Variants in NALCN observed in about 807,000 individuals in gnomAD.
NALCN encodes sodium leak channel, non-selective.
Under a neutral mutation model 225.3 loss-of-function variants are expected in NALCN, and 111 were observed. That is an observed-to-expected ratio of 0.49 (90% CI 0.42 to 0.58). The LOEUF is 0.58. Ranked by LOEUF, NALCN falls within the 20% of genes least tolerant of loss-of-function variation. The pLI, the probability that NALCN is intolerant of heterozygous loss-of-function variation, is 0.00. For missense variants in NALCN, 1,378 were observed against 2,202.4 expected (o/e 0.63, Z 7.49); for synonymous variants, 764 against 769.0 (o/e 0.99, Z 0.11).
At chr13:101,375,336 A>T (rs1243048423) in intron 6 of NALCN, among the ~76,000 whole-genome samples, 1 of 152,204 alleles carries the variant, frequency 6.6e-6, no homozygotes, top group Non-Finnish European at 1.5e-5. Flanking sequence ...TACTTCATTG[A>T]GGAGTAACCT....
chr13:101,208,254 A>T (rs1469032374), intron 13 of NALCN, among the ~76,000 whole-genome samples: 3 of 149,912 alleles, frequency 2.0e-5, no homozygotes, highest in Admixed American at 2.0e-4. Flanking sequence ...ACCTTTATGA[A>T]CTGTAACACT....
intron 18 of NALCN, among the ~76,000 whole-genome samples, chr13:101,121,795 T>A (rs999913157): frequency 6.6e-6 from 1 of 152,174 alleles, no homozygotes; most frequent in Non-Finnish European, 1.5e-5. Flanking sequence ...TCCAGGAACC[T>A]TGGCAGAGTT....
intron 2 of NALCN, among the ~76,000 whole-genome samples, chr13:101,397,475 CATATA>C (rs984853586): frequency 2.7e-5 from 4 of 150,516 alleles, no homozygotes; most frequent in Admixed American, 6.6e-5. Context: ...ATTATACATA[CATATA>C]ATATATATGT....
In NALCN at chr13:101,191,036, C is replaced by T. The variant is rs78437951; in HGVS notation, c.1764+881G>A. Among the ~76,000 whole-genome samples the T allele has an allele frequency of 4.7e-3, 721 of 152,238 alleles. 2 individuals are homozygous for T. Among genetic ancestry groups the T allele is most frequent in the African/African-American group, 0.016 (661 of 41,542 alleles). On this transcript the variant is annotated intron_variant, in intron 14 of 43. Coordinates refer to ENST00000251127, the MANE Select transcript of NALCN (RefSeq NM_052867.4). ...CTGTTAACTGGGAATACTATCTAAT[C>T]GGGTGTTCCAAAGATTAGCAATAAT...
In NALCN at chr13:101,203,241, G is replaced by A. The variant is rs961853597; in HGVS notation, c.1627-11187C>T. Among the ~76,000 whole-genome samples, 60 of 152,114 alleles carry A rather than the reference G, an allele frequency of 3.9e-4. 1 individual carries two copies. The highest frequency in any genetic ancestry group is 1.4e-3 in the African/African-American group (59 of 41,434). ...TATGTTTTCTTTTTTTTGAGACAGA[G>A]TTTCGCTCTTGTCGCCCAGGCTGGA... On this transcript the variant is annotated intron_variant, in intron 13 of 43. Coordinates refer to ENST00000251127, the MANE Select transcript of NALCN (RefSeq NM_052867.4).
Position 101,236,657 on chromosome 13 carries a change from C to T in NALCN, c.1434+1098G>A, listed in dbSNP as rs554914385. The stretch of plus-strand genomic sequence containing the variant: ...GAAATCATCATTCTCAGTAAACTAT[C>T]GCAAGAACAAAAAACCAAACACCGC... On this transcript the variant is annotated intron_variant, in intron 12 of 43. Transcript: ENST00000251127. 2.7e-5 allele frequency among the ~76,000 whole-genome samples: 4 copies of T among 150,934 alleles called. No homozygotes were observed. The East Asian group carries it at 7.8e-4, about 30-fold the overall frequency.
intron 13 of NALCN, among the ~76,000 whole-genome samples, chr13:101,213,245 T>C (rs577066267): frequency 3.9e-5 from 6 of 152,178 alleles, no homozygotes; most frequent in Middle Eastern, 3.2e-3. Flanking sequence ...GCTAGCCATA[T>C]GTAGAAAGCT....
chr13:101,193,222 A>C (rs1471730655), intron 13 of NALCN, among the ~76,000 whole-genome samples: 2 of 152,052 alleles, frequency 1.3e-5, no homozygotes, highest in African/African-American at 2.4e-5. Context: ...TAGGACTCCA[A>C]AGTAAGTACT....
intron 7 of NALCN, among the ~76,000 whole-genome samples, chr13:101,319,825 T>G (rs1224440690): frequency 2.4e-5 from 3 of 124,520 alleles, no homozygotes; most frequent in African/African-American, 8.5e-5. Flanking sequence ...ATTTTACTTT[T>G]ATATAAAGTT....
At chr13:101,362,567 T>A (rs1192621059) in intron 6 of NALCN, among the ~76,000 whole-genome samples, 2 of 152,014 alleles carry the variant, frequency 1.3e-5, no homozygotes, top group Non-Finnish European at 2.9e-5. Context: ...CACTAAAAAA[T>A]TGAGTATAAA....
intron 40 of NALCN, among the ~76,000 whole-genome samples, chr13:101,063,177 C>T (rs936225088): frequency 2.0e-5 from 3 of 152,212 alleles, no homozygotes; most frequent in Non-Finnish European, 4.4e-5. Flanking sequence ...CTGTGAGCTA[C>T]CCACTTCTGT....
chr13:101,182,263 G>A (rs1007350147), intron 14 of NALCN, among the ~76,000 whole-genome samples: 5 of 152,022 alleles, frequency 3.3e-5, no homozygotes, highest in East Asian at 1.9e-4. Flanking sequence ...AGAGAGCCAC[G>A]GCATGCCAGC....
chr13:101,075,911 C>T lies in NALCN; in HGVS notation c.3916G>A (p.Val1306Met). The change falls in exon 35 of 44, where the codon GTG becomes ATG. Residue 1306 changes from valine to methionine, a missense_variant. Val to Met is a conservative substitution (Grantham distance 21, BLOSUM62 1). Around this residue, in one of 19 missense-constraint regions of NALCN, gnomAD observed 98 missense variants for 156.6 expected, o/e 0.63. Coordinates refer to ENST00000251127, the MANE Select transcript of NALCN (RefSeq NM_052867.4). ...ATGGAGAAAAACCTAAATACAATCA[C>T]ACAAGCGCCCATCATGTAAGTATAT... ...NAYTYMMGAC[V>M]IVFRFFSICG... The T allele has an allele frequency of 6.2e-7, 1 of 1,610,576 alleles. No homozygotes were observed. Among genetic ancestry groups the T allele is most frequent in the South Asian group, 1.1e-5 (1 of 90,272 alleles).
chr13:101,324,814 T>A (rs867175631), intron 7 of NALCN, among the ~76,000 whole-genome samples: 1 of 152,160 alleles, frequency 6.6e-6, no homozygotes, highest in African/African-American at 2.4e-5. Context: ...AACACTATGT[T>A]GAATAGGAGT....
chr13:101,144,236 G>A (rs911792361), intron 16 of NALCN, among the ~76,000 whole-genome samples: 1 of 152,300 alleles, frequency 6.6e-6, no homozygotes, highest in East Asian at 1.9e-4. Flanking sequence ...ATCAGTATGA[G>A]TGGAAAAACG....
intron 10 of NALCN, among the ~76,000 whole-genome samples, chr13:101,269,569 C>A (rs560439729): frequency 6.6e-6 from 1 of 152,290 alleles, no homozygotes; most frequent in South Asian, 2.1e-4. Context: ...ACCCTTTCAT[C>A]CCCTTCCCTA....
Position 101,104,195 on chromosome 13 carries a change from T to C in NALCN, c.2889+100A>G. The C allele has an allele frequency of 7.0e-7, 1 of 1,420,040 alleles. No individual in the cohort carries two copies. The highest frequency in any genetic ancestry group is 9.5e-7 in the Non-Finnish European group (1 of 1,056,124). The allele number at this position is 1,420,040 out of a possible 1,614,324, so 88.0% of individuals were successfully genotyped here. On this transcript the variant is annotated intron_variant, in intron 25 of 43. Transcript: ENST00000251127. This position sits in a 1 kb window ranked among gnomAD's most constrained non-coding sequence, Gnocchi z 4.2. ...CATTTAAGAATTCGGTTAGGGAATC[T>C]AAGCCTCTGTAACTCATACCTCTTG... is the stretch of plus-strand genomic sequence containing the variant.
intron 39 of NALCN, 83 bp from the exon 40 acceptor site, chr13:101,065,644 C>CTAT: frequency 1.3e-6 from 2 of 1,495,184 alleles, no homozygotes; most frequent in Non-Finnish European, 1.8e-6. Flanking sequence ...AAAAAAGGTG[C>CTAT]TATTTCTCAA....
At chr13:101,283,131 T>C (rs566814462) in intron 10 of NALCN, among the ~76,000 whole-genome samples, 18 of 152,146 alleles carry the variant, frequency 1.2e-4, no homozygotes, top group Non-Finnish European at 2.2e-4. Context: ...AATTCTCCGG[T>C]CCTACGAGTG....
Sources: allele counts gnomAD v4.1 joint callset (sites outside exome capture counted in the v4.1 genomes callset), GRCh38; gene constraint gnomAD v4.1.1; regional missense constraint gnomAD v4.1.1; non-coding constraint Gnocchi (gnomAD v3.1); transcripts MANE v1.5; gene names NCBI Gene and HGNC (gene_info 2026-07-23, HGNC 2026-07-21).